The following MSRA variants were observed in gnomAD, a reference collection of about 807,000 sequenced individuals.
MSRA encodes methionine sulfoxide reductase A.
In MSRA, 54 loss-of-function variants were observed where a neutral mutation model predicts 31.3. That is an observed-to-expected ratio of 1.73 (90% CI 1.39 to 2.17). The LOEUF (loss-of-function observed/expected upper bound fraction) is 2.17. Among genes scored for constraint, MSRA ranks in the 30% most tolerant of loss-of-function variants. The pLI is 0.00. For synonymous variants in MSRA, 169 were observed against 116.5 expected, an observed-to-expected ratio of 1.45 and a Z score of -2.90; for missense variants, 507 against 300.9, an observed-to-expected ratio of 1.69 and a Z score of -5.07.
rs141551997 is a variant in MSRA, at chr8:10,232,096, G to T, written c.212-13008G>T. Among the ~76,000 whole-genome samples, 434 of 152,206 alleles carry T rather than the reference G, an allele frequency of 2.9e-3. 4 individuals carry two copies. Among genetic ancestry groups the T allele is most frequent in the African/African-American group, 9.7e-3 (403 of 41,536 alleles). Reference sequence around the variant, plus strand: ...TCCTCCTATCCAGCCTAACTTTCTAGGATCCCAGGGGTGGAGGCTGCCCTG... The same window carrying T: ...TCCTCCTATCCAGCCTAACTTTCTATGATCCCAGGGGTGGAGGCTGCCCTG... On this transcript the variant is annotated intron_variant, in intron 2 of 5. Coordinates refer to ENST00000317173, the MANE Select transcript of MSRA (RefSeq NM_012331.5).
At chr8:10,195,316 T>C (rs1807874733) in intron 1 of MSRA, among the ~76,000 whole-genome samples, 1 of 152,172 alleles carries the variant, frequency 6.6e-6, no homozygotes, top group Admixed American at 6.5e-5. Context: ...TCTCGGCTCA[T>C]TGCAATCTCT....
intron 1 of MSRA, among the ~76,000 whole-genome samples, chr8:10,095,075 G>T (rs1799060034): frequency 6.6e-6 from 1 of 152,328 alleles, no homozygotes; most frequent in Admixed American, 6.5e-5. Context: ...TGGGCATACG[G>T]TTTTAATTTT....
chr8:10,283,741 C>T (rs1452414777), intron 3 of MSRA, among the ~76,000 whole-genome samples: 1 of 146,226 alleles, frequency 6.8e-6, no homozygotes, highest in Non-Finnish European at 1.5e-5. Context: ...TCTCCAGTCT[C>T]ATCCAGGTTG....
intron 1 of MSRA, among the ~76,000 whole-genome samples, chr8:10,123,323 TGTC>T (rs1481425002): frequency 2.0e-5 from 3 of 152,210 alleles, no homozygotes; most frequent in Non-Finnish European, 4.4e-5. Context: ...GCATGTATGT[TGTC>T]TATTGAAAAG....
chr8:10,154,703 A>G (rs1229361574), intron 1 of MSRA, among the ~76,000 whole-genome samples: 1 of 152,116 alleles, frequency 6.6e-6, no homozygotes, highest in Admixed American at 6.6e-5. Flanking sequence ...GGAAGAATAA[A>G]TTTCCATTTT....
chr8:10,329,128 C>T (rs889126884), intron 5 of MSRA, among the ~76,000 whole-genome samples: 1 of 152,218 alleles, frequency 6.6e-6, no homozygotes, highest in Non-Finnish European at 1.5e-5. Context: ...TTTGCCAAAT[C>T]TCTGACTTTT....
intron 1 of MSRA, among the ~76,000 whole-genome samples, chr8:10,175,678 C>G (rs1320136084): frequency 3.3e-5 from 5 of 152,210 alleles, no homozygotes; most frequent in Admixed American, 2.6e-4. Context: ...GAATACCTGA[C>G]TTATTTAAGC....
At chr8:10,084,325 G>A (rs930221522) in intron 1 of MSRA, among the ~76,000 whole-genome samples, 8 of 152,340 alleles carry the variant, frequency 5.3e-5, no homozygotes, top group Non-Finnish European at 1.0e-4. Context: ...CCTGCTTTGC[G>A]GCCCTCTGCT....
chr8:10,379,518 A>C (rs906245478), intron 5 of MSRA, among the ~76,000 whole-genome samples: 2 of 152,020 alleles, frequency 1.3e-5, no homozygotes, highest in African/African-American at 4.8e-5. Flanking sequence ...TCATTTCCTG[A>C]GCATCCTGGT....
intron 2 of MSRA, among the ~76,000 whole-genome samples, chr8:10,230,385 G>A (rs1232577840): frequency 6.6e-6 from 1 of 152,208 alleles, no homozygotes; most frequent in Admixed American, 6.5e-5. Flanking sequence ...TGTAGGAAGT[G>A]AAGTATGCAC....
chr8:10,259,748 A>AG lies in MSRA; in HGVS notation c.331+14528dup, dbSNP rs552760592. Reference sequence around the variant, plus strand: ...GTCCAGGCGTGTGGGGGAGAGATTCAGGGTGCTTTCCACCCTCTCCCGGAC... The same window carrying AG: ...GTCCAGGCGTGTGGGGGAGAGATTCAGGGGTGCTTTCCACCCTCTCCCGGAC... On this transcript the variant is annotated intron_variant, in intron 3 of 5. Transcript: ENST00000317173. 2.0e-3 allele frequency among the ~76,000 whole-genome samples: 305 copies of AG among 152,340 alleles called. 1 individual carries two copies. The highest frequency in any genetic ancestry group is 3.4e-3 in the Middle Eastern group (1 of 294).
chr8:10,084,862 G>A (rs1435088674), intron 1 of MSRA, among the ~76,000 whole-genome samples: 1 of 151,230 alleles, frequency 6.6e-6, no homozygotes. Flanking sequence ...ATAGAAATAA[G>A]TCTCGAGTTT....
chr8:10,276,864 C>T (rs1020136281), intron 3 of MSRA, among the ~76,000 whole-genome samples: 2 of 152,146 alleles, frequency 1.3e-5, no homozygotes, highest in Non-Finnish European at 2.9e-5. Flanking sequence ...TTATCGTTCC[C>T]TTTAAGTAAT....
intron 1 of MSRA, among the ~76,000 whole-genome samples, chr8:10,066,494 C>G (rs1206890679): frequency 6.6e-6 from 1 of 152,094 alleles, no homozygotes; most frequent in African/African-American, 2.4e-5. Context: ...GCTTTTCTTG[C>G]TTAATAGTAC....
intron 5 of MSRA, among the ~76,000 whole-genome samples, chr8:10,408,643 T>C (rs1807967370): frequency 6.6e-6 from 1 of 152,228 alleles, no homozygotes; most frequent in Non-Finnish European, 1.5e-5. Flanking sequence ...CATGCATACA[T>C]TGTGTAGTGG....
intron 5 of MSRA, among the ~76,000 whole-genome samples, chr8:10,366,984 T>C (rs1805203412): frequency 6.6e-6 from 1 of 152,218 alleles, no homozygotes; most frequent in South Asian, 2.1e-4. Context: ...CCGTTTCGCT[T>C]TCTGTGGTTT....
In MSRA at chr8:10,113,732, C is replaced by T. The variant is rs374375302; in HGVS notation, c.142+59074C>T. 2.1e-4 allele frequency among the ~76,000 whole-genome samples: 31 copies of T among 151,048 alleles called. 1 individual carries two copies. The highest frequency in any genetic ancestry group is 7.5e-4 in the African/African-American group (31 of 41,106). ...CAATCTGTGAGTTCAGGAGATTGTG[C>T]ATTGAAGCCTTAAGCAGCCCAGGTA... On this transcript the variant is annotated intron_variant, in intron 1 of 5. Coordinates refer to ENST00000317173, the MANE Select transcript of MSRA (RefSeq NM_012331.5).
intron 5 of MSRA, among the ~76,000 whole-genome samples, chr8:10,409,088 G>T (rs1280257844): frequency 6.6e-6 from 1 of 152,220 alleles, no homozygotes; most frequent in Non-Finnish European, 1.5e-5. Context: ...ATGCCCAGCA[G>T]TGGGATTGCT....
intron 5 of MSRA, among the ~76,000 whole-genome samples, chr8:10,321,839 C>G (rs1376497414): frequency 6.6e-6 from 1 of 152,156 alleles, no homozygotes; most frequent in East Asian, 1.9e-4. Flanking sequence ...GAGACTGCAG[C>G]CCTGCCTGAC....
Sources: gnomAD v4.1 joint callset for allele counts (sites outside exome capture counted in the v4.1 genomes callset) on GRCh38, gnomAD v4.1.1 for gene constraint, MANE v1.5 for transcripts, NCBI Gene and HGNC (gene_info 2026-07-23, HGNC 2026-07-21) for gene names.